The following LEPR variants were observed in gnomAD, a reference collection of about 807,000 sequenced individuals.
LEPR encodes leptin receptor.
A neutral mutation model predicts 114.7 loss-of-function variants in LEPR; 56 were observed. That is an observed-to-expected ratio of 0.49 (90% confidence interval 0.39 to 0.61). The LOEUF (loss-of-function observed/expected upper bound fraction) is 0.61. Among genes scored for constraint, LEPR ranks in the 20% least tolerant of loss-of-function variants. The pLI is 0.00. For missense variants in LEPR, 1,202 were observed against 1,352.9 expected (o/e 0.89, Z 1.75); for synonymous variants, 443 against 461.4 (o/e 0.96, Z 0.51).
intron 2 of LEPR, chr1:65,526,341 A>G (rs971195084): frequency 2.0e-6 from 2 of 985,306 alleles, no homozygotes; most frequent in African/African-American, 3.5e-5. Flanking sequence ...CAGCATCAGC[A>G]GCAAAACCCC....
intron 2 of LEPR, among the ~76,000 whole-genome samples, chr1:65,472,755 C>T (rs1227243636): frequency 6.6e-6 from 1 of 152,088 alleles, no homozygotes; most frequent in Non-Finnish European, 1.5e-5. Flanking sequence ...AAAGAGTTCT[C>T]TACCTTGTCC....
At chr1:65,533,255 G>A (rs1310926196) in intron 2 of LEPR, among the ~76,000 whole-genome samples, 1 of 152,016 alleles carries the variant, frequency 6.6e-6, no homozygotes, top group African/African-American at 2.4e-5. Flanking sequence ...AATGATTAAA[G>A]GATATCAATT....
intron 2 of LEPR, among the ~76,000 whole-genome samples, chr1:65,469,696 T>C (rs1353191763): frequency 6.6e-6 from 1 of 152,224 alleles, no homozygotes; most frequent in Non-Finnish European, 1.5e-5. Flanking sequence ...ACAGTGTGTA[T>C]GCATATGCCT....
chr1:65,519,850 TG>T (rs569170188), intron 2 of LEPR, among the ~76,000 whole-genome samples: 281 of 151,508 alleles, frequency 1.9e-3, no homozygotes, highest in African/African-American at 6.3e-3. Flanking sequence ...CAAAAAAAAA[TG>T]TTTTTTTTGT....
intron 2 of LEPR, among the ~76,000 whole-genome samples, chr1:65,455,343 G>T (rs1189042169): frequency 2.6e-5 from 4 of 152,200 alleles, no homozygotes; most frequent in African/African-American, 7.2e-5. Context: ...CATTCCTTTG[G>T]AGGAGGAGAG....
intron 5 of LEPR, among the ~76,000 whole-genome samples, chr1:65,574,297 A>G (rs1044100023): frequency 2.0e-5 from 3 of 152,218 alleles, no homozygotes; most frequent in African/African-American, 4.8e-5. Flanking sequence ...TTTGCATGCT[A>G]AATGACGAGT....
intron 19 of LEPR, among the ~76,000 whole-genome samples, chr1:65,628,080 T>A (rs1658322259): frequency 6.6e-6 from 1 of 152,134 alleles, no homozygotes; most frequent in South Asian, 2.1e-4. Flanking sequence ...ATATTTTGAA[T>A]GTATTTCTAA....
At position 65,605,235 on chromosome 1, in the gene LEPR, T is replaced by C; in HGVS notation, c.1601T>C (p.Val534Ala). Residue 534 changes from valine (V) to alanine (A), a missense_variant and splice_region_variant, in exon 11 of 20, where the codon GTG (valine) becomes GCG (alanine). Transcript: ENST00000349533. ...CCAACATGTGTCCTTCCTGATTCTG[T>C]GGGTATGTCAAGCTGCGTTGTGTCT... ...SPPTCVLPDS[V>A]VKPLPPSSVK... is the part of the protein sequence containing the mutation. 1 of 1,614,112 alleles carries C rather than the reference T, an allele frequency of 6.2e-7. No individual in the cohort carries two copies.
At chr1:65,583,339 T>C (rs12067730) in intron 5 of LEPR, among the ~76,000 whole-genome samples, 31,899 of 152,054 alleles carry the variant, frequency 0.21, 3,596 homozygotes, top group South Asian at 0.28. Flanking sequence ...CTGGCCACAA[T>C]GTTGGGTAAG....
At chr1:65,604,623 C>T (rs562568992) in intron 10 of LEPR, among the ~76,000 whole-genome samples, 1 of 152,164 alleles carries the variant, frequency 6.6e-6, no homozygotes, top group Non-Finnish European at 1.5e-5. Flanking sequence ...GGCCTTCTGC[C>T]TGTCTTTTAA....
chr1:65,548,433 G>C (rs1651966400), intron 2 of LEPR, among the ~76,000 whole-genome samples: 1 of 152,082 alleles, frequency 6.6e-6, no homozygotes, highest in Non-Finnish European at 1.5e-5. Context: ...TTATTATTGT[G>C]TGGGAGTCTA....
At chr1:65,606,053 T>C (rs1363216316) in intron 11 of LEPR, among the ~76,000 whole-genome samples, 1 of 152,284 alleles carries the variant, frequency 6.6e-6, no homozygotes, top group African/African-American at 2.4e-5. Flanking sequence ...ATATATACTA[T>C]TTTGTTGGGG....
At chr1:65,496,609 A>G (rs1267265264) in intron 2 of LEPR, among the ~76,000 whole-genome samples, 2 of 152,188 alleles carry the variant, frequency 1.3e-5, no homozygotes, top group African/African-American at 4.8e-5. Flanking sequence ...TTTACTTTAG[A>G]ATTGTTTTAG....
chr1:65,479,747 A>G lies in LEPR; in HGVS notation c.-21+54369A>G, dbSNP rs115650230. 6.1e-3 allele frequency among the ~76,000 whole-genome samples: 928 copies of G among 152,294 alleles called. 8 individuals are homozygous for G. Among genetic ancestry groups the G allele is most frequent in the African/African-American group, 0.021 (887 of 41,546 alleles). Reference sequence around the variant, plus strand: ...CTTAATGCCAGGTAGATACTAAACCACAAATCCTCCAAAACAACTGGGCAG... The same window carrying G: ...CTTAATGCCAGGTAGATACTAAACCGCAAATCCTCCAAAACAACTGGGCAG... On this transcript the variant is annotated intron_variant, in intron 2 of 19. Coordinates refer to ENST00000349533, the MANE Select transcript of LEPR (RefSeq NM_002303.6).
At chr1:65,568,562 T>C (rs1653934882) in intron 3 of LEPR, among the ~76,000 whole-genome samples, 1 of 152,018 alleles carries the variant, frequency 6.6e-6, no homozygotes, top group Non-Finnish European at 1.5e-5. Flanking sequence ...CTTTTTTTAA[T>C]GCAGTCATTC....
chr1:65,473,748 A>C (rs1647120026), intron 2 of LEPR, among the ~76,000 whole-genome samples: 1 of 152,190 alleles, frequency 6.6e-6, no homozygotes, highest in Admixed American at 6.5e-5. Context: ...AGCACTTAGT[A>C]TGATGCTGGC....
At chr1:65,585,796 C>G (rs1362217567) in intron 5 of LEPR, among the ~76,000 whole-genome samples, 1 of 151,828 alleles carries the variant, frequency 6.6e-6, no homozygotes, top group Non-Finnish European at 1.5e-5. Flanking sequence ...TCCTTTTATT[C>G]TCATACTTTA....
At chr1:65,461,199 T>C (rs1570493883) in intron 2 of LEPR, among the ~76,000 whole-genome samples, 2 of 152,246 alleles carry the variant, frequency 1.3e-5, no homozygotes, top group South Asian at 4.2e-4. Flanking sequence ...AGTCTCCAAC[T>C]CCTGGCCTCA....
At chr1:65,579,676 T>G (rs1654847578) in intron 5 of LEPR, among the ~76,000 whole-genome samples, 1 of 152,204 alleles carries the variant, frequency 6.6e-6, no homozygotes, top group Non-Finnish European at 1.5e-5. Context: ...TCTAGACAAT[T>G]TCTGATCTTA....
Sources: gnomAD v4.1 joint callset for allele counts (sites outside exome capture counted in the v4.1 genomes callset) on GRCh38, gnomAD v4.1.1 for gene constraint, MANE v1.5 for transcripts, NCBI Gene and HGNC (gene_info 2026-07-23, HGNC 2026-07-21) for gene names.